The following DOK2 variants were observed in gnomAD, a reference collection of about 807,000 sequenced individuals.
DOK2 encodes the protein docking protein 2, 56kD.
A neutral mutation model predicts 26.0 loss-of-function variants in DOK2; 28 were observed. The observed-to-expected ratio is 1.08, with a 90% CI of 0.80 to 1.48. DOK2 has a LOEUF of 1.48. Ranked by LOEUF, DOK2 falls within the 40% of genes most tolerant of loss-of-function variation. The pLI is 0.00. For missense variants in DOK2, 682 were observed against 558.2 expected (o/e 1.22, Z -2.23); for synonymous variants, 282 against 236.9 (o/e 1.19, Z -1.75).
chr8:21,912,309 T>G lies in DOK2; in HGVS notation c.265A>C (p.Lys89Gln). Residue 89 changes from lysine (K) to glutamine (Q), a missense_variant, in exon 2 of 5, where the codon AAG becomes CAG. Coordinates refer to ENST00000276420, the MANE Select transcript of DOK2 (RefSeq NM_003974.4). ...RDTSAFFLET[K>Q]ERLYLLAAPA... ...GCCGCCAGGAGGTACAGGCGCTCCT[T>G]GGTCTCCAGGAAGAAGGCACTGGTG... 1 of 1,604,032 alleles carries G rather than the reference T, an allele frequency of 6.2e-7. No individual in the cohort carries two copies. The highest frequency in any genetic ancestry group is 1.1e-5 in the South Asian group (1 of 89,618).
rs768079716 is a variant in DOK2 at position 21,909,737 on chromosome 8, G to A, written c.813C>T (p.Tyr271=). 2.2e-5 allele frequency: 35 copies of A among 1,613,740 alleles called. No homozygotes were observed. Among genetic ancestry groups the A allele is most frequent in the Admixed American group, 1.2e-4 (7 of 60,016 alleles). The stretch of plus-strand genomic sequence containing the variant: ...GCGGCAGTGAGTCATGCGGCCGAGA[G>A]TAGGGGCTATCAGGCCGGGGCAGCG... ...PASLPRPDSP[Y]SRPHDSLPPP... is the part of the protein sequence containing the mutation. Residue 271 remains tyrosine, a synonymous_variant, in exon 5 of 5, where the codon TAC becomes TAT. Transcript: ENST00000276420.
Position 21,913,688 on chromosome 8 carries a change from T to C in DOK2, c.-87A>G. The C allele has an allele frequency of 6.6e-7, 1 of 1,505,966 alleles. No homozygotes were observed. The allele number at this position is 1,505,966 out of a possible 1,614,324, so 93.3% of individuals were successfully genotyped here. A position where few individuals can be genotyped will look rare whatever the true frequency, so the allele number is the denominator to read the frequency against. On this transcript the variant is annotated 5_prime_UTR_variant, in exon 1 of 5. Transcript: ENST00000276420. ...TCTTCTTAGCCGTGTGTTTCCCTTC[T>C]CTGAAGTTCATTTCCTCTCTGCCTA...
chr8:21,911,964 G>A lies in DOK2; in HGVS notation c.370C>T (p.Pro124Ser). The change falls in exon 3 of 5, where the codon CCA becomes TCA. Residue 124 changes from proline to serine, a missense_variant. Coordinates refer to ENST00000276420, the MANE Select transcript of DOK2 (RefSeq NM_003974.4). The part of the protein sequence containing the change: ...FPGQRKELSG[P>S]EGKQSRPCME... ...CAGGGCCGGCTCTGCTTTCCCTCTG[G>A]CCCCGAGAGCTCCTTCCTCTGCCCC... 2 of 1,556,462 alleles carry A rather than the reference G, an allele frequency of 1.3e-6. No homozygotes were observed. The highest frequency in any genetic ancestry group is 2.7e-5 in the African/African-American group (2 of 73,664).
rs757884231 is a variant in DOK2, at chr8:21,912,338, CG to C, written c.235del (p.Arg79GlyfsTer75). The C allele has an allele frequency of 3.9e-5, 63 of 1,607,384 alleles. No homozygotes were observed. The highest frequency in any genetic ancestry group is 3.5e-5 in the Non-Finnish European group (41 of 1,178,498). ...AEAGGEASSP[R>X]DTSAFFLETK... ...CTCCAGGAAGAAGGCACTGGTGTCC[CG>C]GGGGCTGCTGGCCTCTCCGCCGGCC... is the stretch of plus-strand genomic sequence containing the variant. On this transcript the variant is annotated frameshift_variant, in exon 2 of 5. Coordinates refer to ENST00000276420, the MANE Select transcript of DOK2 (RefSeq NM_003974.4). LOFTEE classifies it high-confidence loss of function.
chr8:21,910,057 C>T, intron 4 of DOK2, 126 bp from the exon 5 acceptor site: 1 of 1,113,138 alleles, frequency 9.0e-7, no homozygotes, highest in South Asian at 1.6e-5. Context: ...TCTCAGCTCA[C>T]TGCAACCTCC....
At position 21,909,373 on chromosome 8, in the gene DOK2, C is replaced by T. The variant is rs1475105347; in HGVS notation, c.1177G>A (p.Ala393Thr). The change falls in exon 5 of 5, where the codon GCT (alanine) becomes ACT (threonine). Residue 393 changes from alanine (A) to threonine (T), a missense_variant. Physicochemically the swap from Ala to Thr is moderately conservative, Grantham distance 58. Coordinates refer to ENST00000276420, the MANE Select transcript of DOK2 (RefSeq NM_003974.4). ...TCAGTTCCTGGCTGCCAGCCAGAAG[C>T]AGAGAAATCCTGCCCGGCTGGCTGG... is the stretch of plus-strand genomic sequence containing the variant. ...HVQPAGQDFSASGWQPGTEYD... is the reference protein window; with the variant it reads ...HVQPAGQDFSTSGWQPGTEYD... 6.3e-7 allele frequency: 1 copy of T among 1,583,884 alleles called. No homozygotes were observed. The highest frequency in any genetic ancestry group is 1.2e-5 in the South Asian group (1 of 86,540).
chr8:21,913,363 T>C (rs1260138324), intron 1 of DOK2, among the ~76,000 whole-genome samples, 176 bp downstream of exon 1: 1 of 152,124 alleles, frequency 6.6e-6, no homozygotes, highest in Non-Finnish European at 1.5e-5. Flanking sequence ...TGGGGCCTGG[T>C]TCAGGAGACA....
chr8:21,910,104 C>A (rs1809780404), intron 4 of DOK2, among the ~76,000 whole-genome samples, 173 bp from the exon 5 acceptor site: 1 of 151,998 alleles, frequency 6.6e-6, no homozygotes. Context: ...GCCTCAGCCT[C>A]CCTGGTAGCT....
rs779871643 is a variant in DOK2, at chr8:21,909,967, A to ACAGGG, written c.619-41_619-37dup. On this transcript the variant is annotated intron_variant, in intron 4 of 4. Coordinates refer to ENST00000276420, the MANE Select transcript of DOK2 (RefSeq NM_003974.4). Reference sequence around the variant, plus strand: ...GAGAAAGCAGGTTATTGGCCAGGCCACAGGGCAGGGGTGCATTTTTTTTTT... The same window carrying ACAGGG: ...GAGAAAGCAGGTTATTGGCCAGGCCACAGGGCAGGGCAGGGGTGCATTTTTTTTTT... 67 of 1,573,382 alleles carry ACAGGG rather than the reference A, an allele frequency of 4.3e-5. No individual in the cohort carries two copies. The African/African-American group carries it at 8.1e-4, about 19-fold the overall frequency.
At chr8:21,913,026 A>G (rs1809918721) in intron 1 of DOK2, among the ~76,000 whole-genome samples, 1 of 152,066 alleles carries the variant, frequency 6.6e-6, no homozygotes, top group African/African-American at 2.4e-5. Context: ...TGTGCCCCCC[A>G]GTGTTGGTTA....
Position 21,909,701 on chromosome 8 carries a change from G to A in DOK2, c.849C>T (p.Pro283=), listed in dbSNP as rs1401971618. The change falls in exon 5 of 5, where the codon CCC becomes CCT. Residue 283 remains proline, a synonymous_variant. Transcript: ENST00000276420. Reference sequence around the variant, plus strand: ...GCCGTGGAGCAGGCACCGGTGTGGTGGGTGAAGGCGGCGGCAGTGAGTCAT... The same window carrying A: ...GCCGTGGAGCAGGCACCGGTGTGGTAGGTGAAGGCGGCGGCAGTGAGTCAT... The part of the protein sequence containing the change: ...RPHDSLPPPS[P]TTPVPAPRPR... 5 of 1,613,318 alleles carry A rather than the reference G, an allele frequency of 3.1e-6. No homozygotes were observed. The highest frequency in any genetic ancestry group is 3.3e-5 in the Admixed American group (2 of 60,020).
At chr8:21,912,676 G>C (rs994370747) in intron 1 of DOK2, 166 bp from the exon 2 acceptor site, 19 of 663,528 alleles carry the variant, frequency 2.9e-5, no homozygotes, top group Non-Finnish European at 4.5e-5. Flanking sequence ...CAGAGAAGAG[G>C]ACAGTGACTG....
At position 21,910,735 on chromosome 8, in the gene DOK2, C is replaced by T. The variant is rs372929533; in HGVS notation, c.556G>A (p.Glu186Lys). The part of the protein sequence containing the change: ...ESALELWGGP[E>K]PGTQLYDWPY... The stretch of plus-strand genomic sequence containing the variant: ...CAGTCGTACAGCTGGGTCCCTGGCT[C>T]GGGCCCACCCCACAGCTCCAGGGCA... The change falls in exon 4 of 5, where the codon GAG becomes AAG. Residue 186 changes from glutamate (E) to lysine (K), a missense_variant. Physicochemically the swap from Glu to Lys is moderately conservative, Grantham distance 56 (BLOSUM62 1). Coordinates refer to ENST00000276420, the MANE Select transcript of DOK2 (RefSeq NM_003974.4). The T allele has an allele frequency of 1.1e-5, 17 of 1,613,954 alleles. No homozygotes were observed. The highest frequency in any genetic ancestry group is 1.7e-5 in the Admixed American group (1 of 60,000).
In DOK2 at chr8:21,909,141, G is replaced by A. The variant is rs942892188; in HGVS notation, c.*170C>T. ...CTCTCCAGGGCACCCTTCCTGCTTT[G>A]GGATGGTGACTCACCCAGCAGGCCC... On this transcript the variant is annotated 3_prime_UTR_variant, in exon 5 of 5. Coordinates refer to ENST00000276420, the MANE Select transcript of DOK2 (RefSeq NM_003974.4). The A allele has an allele frequency of 4.7e-5, 34 of 726,536 alleles. No individual in the cohort carries two copies. The African/African-American group carries it at 5.5e-4, about 12-fold the overall frequency. 45.0% of individuals were successfully genotyped at this position (726,536 alleles called of 1,614,324 possible).
chr8:21,910,600 C>T (rs1269988618), intron 4 of DOK2, 73 bp downstream of exon 4: 40 of 1,572,422 alleles, frequency 2.5e-5, no homozygotes, highest in Middle Eastern at 3.3e-4. Context: ...CCCATCCCCT[C>T]GCTGCTTCTC....
At chr8:21,913,508 C>T in intron 1 of DOK2, 31 bp downstream of exon 1, 1 of 1,613,544 alleles carries the variant, frequency 6.2e-7, no homozygotes, top group East Asian at 2.2e-5. Context: ...CCCAGGCCCC[C>T]TGCCCAACCC....
chr8:21,911,182 C>T (rs1318922174), intron 3 of DOK2: 3 of 333,766 alleles, frequency 9.0e-6, no homozygotes, highest in Non-Finnish European at 1.7e-5. Flanking sequence ...CCAAACCAGC[C>T]ACCACCCTAG....
chr8:21,910,789 C>T lies in DOK2; in HGVS notation c.502G>A (p.Gly168Arg), dbSNP rs945414596. Residue 168 changes from glycine (G) to arginine (R), a missense_variant, in exon 4 of 5, where the codon GGG becomes AGG. By Grantham distance (125) the Gly-to-Arg change is moderately radical. Coordinates refer to ENST00000276420, the MANE Select transcript of DOK2 (RefSeq NM_003974.4). ...TCCCCAGCCCGGAGGGTATAGGACC[C>T]CCGCAGGTGGCACCTCTCACTGGCT... ...TEASERCHLR[G>R]SYTLRAGESA... 2 of 1,613,790 alleles carry T rather than the reference C, an allele frequency of 1.2e-6. No individual in the cohort carries two copies. The highest frequency in any genetic ancestry group is 2.7e-5 in the African/African-American group (2 of 74,922).
chr8:21,910,958 G>C (rs1809821280), intron 3 of DOK2, 101 bp from the exon 4 acceptor site: 1 of 1,319,672 alleles, frequency 7.6e-7, no homozygotes, highest in Admixed American at 2.7e-5. Flanking sequence ...AACTTTTCTA[G>C]AAAGTATTAT....
Sources: gnomAD v4.1 joint callset for allele counts (sites outside exome capture counted in the v4.1 genomes callset) on GRCh38, gnomAD v4.1.1 for gene constraint, MANE v1.5 for transcripts, NCBI Gene and HGNC (gene_info 2026-07-23, HGNC 2026-07-21) for gene names.